Variants in ZC3H14 observed in about 807,000 individuals in gnomAD.
ZC3H14 encodes zinc finger CCCH-type containing 14, also known as zinc finger CCCH domain-containing protein 14.
A neutral mutation model predicts 92.4 loss-of-function variants in ZC3H14; 31 were observed. The ratio of observed to expected loss-of-function variants is 0.34; its 90% CI spans 0.25 to 0.45. The LOEUF is 0.45. Among genes scored for constraint, ZC3H14 ranks in the 20% least tolerant of loss-of-function variants. The pLI is 1.00. For missense variants in ZC3H14, 781 were observed against 897.3 expected (o/e 0.87, Z 1.66); for synonymous variants, 321 against 300.9 (o/e 1.07, Z -0.69).
At chr14:88,601,633 A>G (rs1002877662) in intron 10 of ZC3H14, among the ~76,000 whole-genome samples, 2 of 152,204 alleles carry the variant, frequency 1.3e-5, no homozygotes, top group Non-Finnish European at 2.9e-5. Context: ...CTTTAAGGGT[A>G]TATTGTTAAT....
At position 88,615,944 on chromosome 14, in the gene ZC3H14, C is replaced by T. The variant is rs915477592; in HGVS notation, c.*4193C>T. ...ATTTTTCAGTTGTGCTTTCAGGTTA[C>T]ATGTGTAATATTTTTCCTCTTTAAC... On this transcript the variant is annotated 3_prime_UTR_variant, in exon 17 of 17. Coordinates refer to ENST00000251038, the MANE Select transcript of ZC3H14 (RefSeq NM_024824.5). 5.2e-5 allele frequency: 76 copies of T among 1,449,950 alleles called. No homozygotes were observed. Among genetic ancestry groups the T allele is most frequent in the South Asian group, 3.3e-4 (26 of 79,090 alleles). The allele number at this position is 1,449,950 out of a possible 1,614,324, so 89.8% of individuals were successfully genotyped here.
At chr14:88,573,311 C>T (rs560220908) in intron 6 of ZC3H14, among the ~76,000 whole-genome samples, 10 of 151,964 alleles carry the variant, frequency 6.6e-5, no homozygotes, top group South Asian at 2.1e-4. Flanking sequence ...ACCTGGGAGG[C>T]GGAGCTTGCA....
intron 8 of ZC3H14, 80 bp from the exon 9 acceptor site, chr14:88,577,905 A>G (rs2081372289): frequency 6.4e-7 from 1 of 1,571,366 alleles, no homozygotes; most frequent in East Asian, 2.2e-5. Context: ...AGGCATTTAT[A>G]TTTAATATGA....
At chr14:88,578,676 C>G (rs2081480479) in intron 9 of ZC3H14, among the ~76,000 whole-genome samples, 1 of 151,626 alleles carries the variant, frequency 6.6e-6, no homozygotes, top group South Asian at 2.1e-4. Flanking sequence ...TTTTAGTTAC[C>G]TTTAAATCTC....
chr14:88,563,465 G>A, intron 1 of ZC3H14, 186 bp from the exon 2 acceptor site: 4 of 1,450,744 alleles, frequency 2.8e-6, no homozygotes, highest in Non-Finnish European at 3.6e-6. Context: ...GGTGGGCGCC[G>A]CGGGGCTGGG....
chr14:88,574,844 C>T lies in ZC3H14; in HGVS notation c.1013C>T (p.Pro338Leu). ...AGCAGTGTGTCTGTGCCTGCAAAGCCTGAAAGGAGGTACCTTGAACATGGC... is the reference window on the plus strand; with the variant it reads ...AGCAGTGTGTCTGTGCCTGCAAAGCTTGAAAGGAGGTACCTTGAACATGGC... ...ISSSVSVPAKPERRPSLPPSK... is the reference protein window; with the variant it reads ...ISSSVSVPAKLERRPSLPPSK... Residue 338 changes from proline to leucine, a missense_variant, in exon 7 of 17, where the codon CCT (proline) becomes CTT (leucine). Physicochemically the swap from Pro to Leu is moderately conservative, Grantham distance 98. This residue lies in a region of ZC3H14 where 454 missense variants were observed against 438.5 expected (regional missense o/e 1.04). Transcript: ENST00000251038. 1.9e-6 allele frequency: 3 copies of T among 1,614,196 alleles called. No individual in the cohort carries two copies. Among genetic ancestry groups the T allele is most frequent in the Non-Finnish European group, 2.5e-6 (3 of 1,180,032 alleles).
chr14:88,571,894 T>G, intron 4 of ZC3H14, 136 bp from the exon 5 acceptor site: 1 of 582,866 alleles, frequency 1.7e-6, no homozygotes, highest in Non-Finnish European at 2.7e-6. Context: ...AACCAGGGAT[T>G]TGGAGGTTGC....
chr14:88,565,750 G>C (rs1395723815), intron 2 of ZC3H14, among the ~76,000 whole-genome samples: 2 of 151,948 alleles, frequency 1.3e-5, no homozygotes, highest in Admixed American at 1.3e-4. Flanking sequence ...AAGACTATCA[G>C]AATACTCCTT....
At chr14:88,579,830 A>G (rs2139721900) in intron 9 of ZC3H14, among the ~76,000 whole-genome samples, 1 of 152,304 alleles carries the variant, frequency 6.6e-6, no homozygotes, top group Non-Finnish European at 1.5e-5. Flanking sequence ...GCATGCTGAA[A>G]GGTATACCAA....
At chr14:88,569,523 G>A (rs1203143815) in intron 3 of ZC3H14, among the ~76,000 whole-genome samples, 1 of 152,160 alleles carries the variant, frequency 6.6e-6, no homozygotes, top group Admixed American at 6.5e-5. Flanking sequence ...CCTGGTACCA[G>A]GTTTGAGGTA....
chr14:88,578,220 A>T (rs2081414348), intron 9 of ZC3H14, 80 bp downstream of exon 9: 15 of 1,521,242 alleles, frequency 9.9e-6, no homozygotes, highest in Non-Finnish European at 1.4e-5. Flanking sequence ...ATTTTTATGA[A>T]ATATTACACT....
At chr14:88,596,898 T>C in intron 10 of ZC3H14, 90 bp downstream of exon 10, 1 of 1,052,104 alleles carries the variant, frequency 9.5e-7, no homozygotes, top group South Asian at 1.3e-5. Flanking sequence ...TCGGATCTCT[T>C]AGATCCTGCC....
rs1235915171 is a variant in ZC3H14 at position 88,626,001 on chromosome 14, T to G, written c.*14250T>G. ...GAATAAAGTGAGAGGAGAGCAGGTC[T>G]CCTGAACACCCTTCTGTCAGGGCCA... On this transcript the variant is annotated 3_prime_UTR_variant, in exon 17 of 17. Transcript: ENST00000251038. The G allele has an allele frequency of 6.6e-6, 1 of 152,184 alleles. No individual in the cohort carries two copies. The highest frequency in any genetic ancestry group is 1.5e-5 in the Non-Finnish European group (1 of 68,028). 9.4% of individuals were successfully genotyped at this position (152,184 alleles called of 1,614,324 possible).
At chr14:88,576,455 A>G (rs576743776) in intron 8 of ZC3H14, among the ~76,000 whole-genome samples, 9 of 152,274 alleles carry the variant, frequency 5.9e-5, no homozygotes, top group Non-Finnish European at 1.2e-4. Flanking sequence ...TAGTGGAAGT[A>G]CTGAATAATT....
intron 1 of ZC3H14, 88 bp from the exon 2 acceptor site, chr14:88,563,563 C>A: frequency 6.3e-7 from 1 of 1,589,828 alleles, no homozygotes; most frequent in Non-Finnish European, 8.6e-7. Flanking sequence ...GTGCGCGCAC[C>A]AGCAAAGTGG....
At chr14:88,594,742 A>G in intron 9 of ZC3H14, 1 of 1,614,062 alleles carries the variant, frequency 6.2e-7, no homozygotes, top group Non-Finnish European at 8.5e-7. Context: ...AATGTCTTCA[A>G]AGTTTCCATC....
At chr14:88,587,232 G>C (rs976545135) in intron 9 of ZC3H14, among the ~76,000 whole-genome samples, 1 of 150,778 alleles carries the variant, frequency 6.6e-6, no homozygotes, top group East Asian at 1.9e-4. Context: ...GCGTAATCCT[G>C]GCTCACTGCA....
In ZC3H14 at chr14:88,613,386, T is replaced by G. The variant is rs1437680075; in HGVS notation, c.*1635T>G. On this transcript the variant is annotated 3_prime_UTR_variant, in exon 17 of 17. Transcript: ENST00000251038. ...ATTGTTTAAATATCTGGAAATACTT[T>G]TAGCTATCATTTATAAAGATAGTTT... 1.3e-5 allele frequency: 2 copies of G among 152,026 alleles called. No individual in the cohort carries two copies. Among genetic ancestry groups the G allele is most frequent in the Non-Finnish European group, 2.9e-5 (2 of 68,020 alleles). The allele number at this position is 152,026 out of a possible 1,614,324, so 9.4% of individuals were successfully genotyped here.
In ZC3H14 at chr14:88,622,141, C is replaced by T. The variant is rs1284132594; in HGVS notation, c.*10390C>T. 2 of 188,162 alleles carry T rather than the reference C, an allele frequency of 1.1e-5. No homozygotes were observed. Among genetic ancestry groups the T allele is most frequent in the South Asian group, 1.1e-4 (1 of 9,108 alleles). 11.7% of individuals were successfully genotyped at this position (188,162 alleles called of 1,614,324 possible). On this transcript the variant is annotated 3_prime_UTR_variant, in exon 17 of 17. Coordinates refer to ENST00000251038, the MANE Select transcript of ZC3H14 (RefSeq NM_024824.5). ...GAGAACATGTATTTATCTTTCTGTG[C>T]CTGGCTTATTTCACTTCACATCATG...
Sources: gnomAD v4.1 joint callset for allele counts (sites outside exome capture counted in the v4.1 genomes callset) on GRCh38, gnomAD v4.1.1 for gene constraint, gnomAD v4.1.1 regional missense constraint, MANE v1.5 for transcripts, NCBI Gene and HGNC (gene_info 2026-07-23, HGNC 2026-07-21) for gene names.